The following ANAPC10 variants were observed in gnomAD, a reference collection of about 807,000 sequenced individuals.
ANAPC10 encodes anaphase-promoting complex subunit 10.
ANAPC10 carries 12 observed loss-of-function variants against 22.0 expected under a neutral mutation model. That is an observed-to-expected ratio of 0.55 (90% CI 0.35 to 0.88). ANAPC10 has a LOEUF of 0.88. Ranked by LOEUF, ANAPC10 falls within the 40% of genes least tolerant of loss-of-function variation. The pLI is 0.01. For synonymous variants in ANAPC10, 65 were observed against 69.5 expected (o/e 0.94, Z 0.32); for missense variants, 188 against 220.9 (o/e 0.85, Z 0.94).
intron 4 of ANAPC10, among the ~76,000 whole-genome samples, chr4:145,052,620 C>T (rs1362698920): frequency 6.6e-6 from 1 of 152,032 alleles, no homozygotes; most frequent in East Asian, 1.9e-4. Context: ...ATATCGGGGG[C>T]TGGGTGCGGT....
At position 145,054,640 on chromosome 4, in the gene ANAPC10, T is replaced by TGTGC. The variant is rs1353005943; in HGVS notation, c.327+9931_327+9932insGCAC. On this transcript the variant is annotated intron_variant, in intron 4 of 4. Transcript: ENST00000507656. ...GTGTGTGTGTGTGTGTGTGTGTGTGTGCGCGCGCGCGCGCGTGCGTGCAGC... is the reference window on the plus strand; with the variant it reads ...GTGTGTGTGTGTGTGTGTGTGTGTGTGTGCGCGCGCGCGCGCGCGTGCGTGCAGC... Among the ~76,000 whole-genome samples the TGTGC allele has an allele frequency of 7.0e-3, 629 of 90,260 alleles. 4 individuals carry two copies. Among genetic ancestry groups the TGTGC allele is most frequent in the African/African-American group, 0.014 (343 of 25,108 alleles). The allele number at this position is 90,260 out of a possible 152,430, so 59.2% of individuals were successfully genotyped here.
intron 4 of ANAPC10, among the ~76,000 whole-genome samples, chr4:145,022,431 G>A (rs1430184358): frequency 6.6e-6 from 1 of 151,902 alleles, no homozygotes; most frequent in South Asian, 2.1e-4. Flanking sequence ...ACCAAACATC[G>A]TATATTCTCA....
rs531259955 is a variant in ANAPC10 at position 145,097,451 on chromosome 4, T to C, written c.-13+669A>G. 7.8e-6 allele frequency: 10 copies of C among 1,280,540 alleles called. No homozygotes were observed. The East Asian group carries it at 5.0e-4, about 64-fold the overall frequency. The allele number at this position is 1,280,540 out of a possible 1,614,324, so 79.3% of individuals were successfully genotyped here. On this transcript the variant is annotated intron_variant, in intron 1 of 4. Coordinates refer to ENST00000507656, the MANE Select transcript of ANAPC10 (RefSeq NM_001256706.2). ...GTAGCGCAGTTACTGCTACTGAACATTGTTATATATGCTATTCAAAATAGG... is the reference window on the plus strand; with the variant it reads ...GTAGCGCAGTTACTGCTACTGAACACTGTTATATATGCTATTCAAAATAGG...
intron 4 of ANAPC10, among the ~76,000 whole-genome samples, chr4:145,050,349 C>T (rs1332290372): frequency 6.6e-6 from 1 of 152,214 alleles, no homozygotes; most frequent in Non-Finnish European, 1.5e-5. Flanking sequence ...AACAGATGTG[C>T]TGTCATCCAG....
At position 145,097,408 on chromosome 4, in the gene ANAPC10, A is replaced by G. The variant is rs573193479; in HGVS notation, c.-13+712T>C. 9.5e-6 allele frequency: 10 copies of G among 1,054,054 alleles called. No homozygotes were observed. The South Asian group carries it at 1.3e-4, about 14-fold the overall frequency. The allele number at this position is 1,054,054 out of a possible 1,614,324, so 65.3% of individuals were successfully genotyped here. ...ACACTTCAATACTGGATCGTGAACA[A>G]TATGTAAAACTGCTTTGGTAGCGCA... On this transcript the variant is annotated intron_variant, in intron 1 of 4. Transcript: ENST00000507656.
intron 3 of ANAPC10, among the ~76,000 whole-genome samples, chr4:145,067,791 C>T (rs1743924304): frequency 6.6e-6 from 1 of 152,176 alleles, no homozygotes; most frequent in Admixed American, 6.5e-5. Context: ...AACCTAAAAT[C>T]CCTTTATCCC....
intron 2 of ANAPC10, among the ~76,000 whole-genome samples, chr4:145,092,948 A>G (rs1460026011): frequency 1.3e-5 from 2 of 152,228 alleles, no homozygotes; most frequent in African/African-American, 4.8e-5. Context: ...TCTTTACCAC[A>G]AAAGACCAGC....
At chr4:145,017,951 C>T (rs1235756531) in intron 4 of ANAPC10, among the ~76,000 whole-genome samples, 1 of 125,364 alleles carries the variant, frequency 8.0e-6, no homozygotes, top group Non-Finnish European at 1.6e-5. Context: ...GGAAACATCA[C>T]ACACCGGGGC....
chr4:145,073,940 TCA>T (rs1033867828), intron 3 of ANAPC10, among the ~76,000 whole-genome samples: 2 of 152,064 alleles, frequency 1.3e-5, no homozygotes, highest in African/African-American at 4.8e-5. Flanking sequence ...TTGTTCCTAC[TCA>T]GTTTAATATT....
intron 2 of ANAPC10, 132 bp from the exon 3 acceptor site, chr4:145,081,882 A>T: frequency 1.4e-6 from 1 of 706,620 alleles, no homozygotes; most frequent in South Asian, 1.7e-5. Context: ...ATTTTTTTTT[A>T]TTTATTTTTT....
chr4:145,060,587 G>A (rs915208256), intron 4 of ANAPC10, among the ~76,000 whole-genome samples: 2 of 150,794 alleles, frequency 1.3e-5, no homozygotes, highest in African/African-American at 2.4e-5. Context: ...GAAAAAAAAA[G>A]GAAAATCTAT....
intron 4 of ANAPC10, among the ~76,000 whole-genome samples, chr4:145,039,613 T>G (rs1387820573): frequency 2.0e-5 from 3 of 152,172 alleles, no homozygotes; most frequent in South Asian, 4.1e-4. Flanking sequence ...TTTTTTTGTT[T>G]GAAACACAGT....
chr4:145,041,749 A>T (rs1252282448), intron 4 of ANAPC10, among the ~76,000 whole-genome samples: 1 of 152,224 alleles, frequency 6.6e-6, no homozygotes, highest in African/African-American at 2.4e-5. Flanking sequence ...AAATTTAATA[A>T]CTGGTTCCAG....
intron 4 of ANAPC10, among the ~76,000 whole-genome samples, chr4:145,004,406 C>A (rs1258569380): frequency 6.6e-6 from 1 of 152,120 alleles, no homozygotes; most frequent in Admixed American, 6.5e-5. Context: ...GTGAAGGCAT[C>A]CTTGTTTCGT....
chr4:145,073,164 G>A (rs192647870), intron 3 of ANAPC10, among the ~76,000 whole-genome samples: 12 of 152,292 alleles, frequency 7.9e-5, no homozygotes, highest in African/African-American at 2.9e-4. Context: ...AAAGTGTTGG[G>A]ATTATAGGCG....
chr4:145,085,643 T>C (rs1464582653), intron 2 of ANAPC10, among the ~76,000 whole-genome samples: 2 of 152,286 alleles, frequency 1.3e-5, no homozygotes, highest in East Asian at 3.9e-4. Context: ...TTGTCTCTAA[T>C]TTATTGCTTA....
At chr4:145,036,680 C>G (rs1207518292) in intron 4 of ANAPC10, among the ~76,000 whole-genome samples, 3 of 151,974 alleles carry the variant, frequency 2.0e-5, no homozygotes, top group Non-Finnish European at 4.4e-5. Context: ...ACATGTTTTA[C>G]TGTAGTAAAA....
At chr4:145,054,644 C>A (rs866288206) in intron 4 of ANAPC10, among the ~76,000 whole-genome samples, 2 of 137,700 alleles carry the variant, frequency 1.5e-5, no homozygotes, top group East Asian at 2.1e-4. Context: ...TGTGTGTGCG[C>A]GCGCGCGCGC....
At chr4:144,998,099 TAA>T (rs1731904961) in intron 4 of ANAPC10, among the ~76,000 whole-genome samples, 1 of 152,120 alleles carries the variant, frequency 6.6e-6, no homozygotes, top group African/African-American at 2.4e-5. Flanking sequence ...TAGAGATCTA[TAA>T]AGAGACTTAG....
Sources: gnomAD v4.1 joint callset for allele counts (sites outside exome capture counted in the v4.1 genomes callset) on GRCh38, gnomAD v4.1.1 for gene constraint, MANE v1.5 for transcripts, NCBI Gene and HGNC (gene_info 2026-07-23, HGNC 2026-07-21) for gene names.